Variants in PHTF2 observed in about 807,000 individuals in gnomAD.
The protein encoded by PHTF2 is protein PHTF2.
In PHTF2, 60 loss-of-function variants were observed where a neutral mutation model predicts 101.2. That is an observed-to-expected ratio of 0.59 (90% CI 0.48 to 0.73). The LOEUF (loss-of-function observed/expected upper bound fraction) is 0.73, where lower values mean the gene tolerates loss of function less well. PHTF2 is among the 30% of genes least tolerant of loss of function. PHTF2 has a pLI of 0.00. For synonymous variants in PHTF2, 311 were observed against 307.3 expected, an observed-to-expected ratio of 1.01 and a Z score of -0.13; for missense variants, 747 against 908.7, an observed-to-expected ratio of 0.82 and a Z score of 2.29.
chr7:77,891,328 T>G (rs1800383752), intron 3 of PHTF2, among the ~76,000 whole-genome samples: 1 of 152,222 alleles, frequency 6.6e-6, no homozygotes, highest in South Asian at 2.1e-4. Context: ...GTTCCCATAC[T>G]TACCTTTTCT....
intron 3 of PHTF2, among the ~76,000 whole-genome samples, chr7:77,863,867 G>C (rs998855179): frequency 4.7e-5 from 7 of 149,966 alleles, no homozygotes; most frequent in African/African-American, 1.7e-4. Context: ...GCTCACTGCA[G>C]CTTCAACATC....
At chr7:77,855,236 G>A (rs1281762370) in intron 3 of PHTF2, among the ~76,000 whole-genome samples, 1 of 152,202 alleles carries the variant, frequency 6.6e-6, no homozygotes, top group Non-Finnish European at 1.5e-5. Flanking sequence ...GTTCCCTTCT[G>A]TCCCAGGGTG....
At chr7:77,807,352 T>C (rs1793072873) in intron 1 of PHTF2, among the ~76,000 whole-genome samples, 1 of 151,568 alleles carries the variant, frequency 6.6e-6, no homozygotes, top group Non-Finnish European at 1.5e-5. Flanking sequence ...GTTCCACATC[T>C]TCATCAATAT....
At chr7:77,862,788 G>C (rs1354883989) in intron 3 of PHTF2, among the ~76,000 whole-genome samples, 1 of 152,132 alleles carries the variant, frequency 6.6e-6, no homozygotes, top group Non-Finnish European at 1.5e-5. Flanking sequence ...TTTAACCATA[G>C]CAACAGACAT....
exon 7 of PHTF2, chr7:77,901,887 T>C: frequency 6.3e-7 from 1 of 1,597,542 alleles, no homozygotes; most frequent in South Asian, 1.1e-5. Context: ...AAAGGTCATC[T>C]TTTTCTGGCT....
intron 9 of PHTF2, 88 bp downstream of exon 8, chr7:77,910,497 CT>C: frequency 3.4e-6 from 3 of 875,136 alleles, no homozygotes. Context: ...ATATTAATTA[CT>C]TTAAATGTGA....
At chr7:77,856,423 A>G (rs62462679) in intron 3 of PHTF2, among the ~76,000 whole-genome samples, 35,048 of 151,912 alleles carry the variant, frequency 0.23, 4,379 homozygotes, top group South Asian at 0.29. Context: ...TGGTGTGCTC[A>G]TATCTCACTG....
chr7:77,906,213 C>G (rs1341340186), intron 7 of PHTF2: 1 of 152,322 alleles, frequency 6.6e-6, no homozygotes, highest in Non-Finnish European at 1.5e-5. Context: ...GTCTCAAACT[C>G]CTGACCTCGT....
In PHTF2 at chr7:77,902,712, T is replaced by C. The variant is rs368568163; in HGVS notation, c.445+792T>C. 3.5e-4 allele frequency among the ~76,000 whole-genome samples: 53 copies of C among 152,088 alleles called. 1 individual carries two copies. In the South Asian group the frequency reaches 0.011, roughly 32 times the overall value. On this transcript the variant is annotated intron_variant, in intron 7 of 19. Transcript: ENST00000416283. ...TCATGTCCTTTCAGTCTTTTTAATATGTGATTAAAAAAAAAAACCATGATT... is the reference window on the plus strand; with the variant it reads ...TCATGTCCTTTCAGTCTTTTTAATACGTGATTAAAAAAAAAAACCATGATT...
chr7:77,935,197 T>C (rs1804994695), intron 12 of PHTF2, among the ~76,000 whole-genome samples: 1 of 143,944 alleles, frequency 6.9e-6, no homozygotes. Context: ...CACACAACAT[T>C]GAACATGTAA....
chr7:77,938,481 A>G (rs1192327576), intron 13 of PHTF2, among the ~76,000 whole-genome samples: 1 of 152,258 alleles, frequency 6.6e-6, no homozygotes, highest in African/African-American at 2.4e-5. Context: ...CTGTAATCCC[A>G]GCACTTTGGG....
intron 17 of PHTF2, among the ~76,000 whole-genome samples, chr7:77,950,106 T>C (rs1806411081): frequency 6.6e-6 from 1 of 152,208 alleles, no homozygotes; most frequent in South Asian, 2.1e-4. Flanking sequence ...GAATGGGACA[T>C]GTTTGCTTTG....
At chr7:77,813,784 T>A (rs574475449) in intron 1 of PHTF2, among the ~76,000 whole-genome samples, 1 of 152,318 alleles carries the variant, frequency 6.6e-6, no homozygotes, top group African/African-American at 2.4e-5. Flanking sequence ...GTTTCCTGAC[T>A]TACAGAAAAT....
intron 3 of PHTF2, among the ~76,000 whole-genome samples, chr7:77,856,681 A>C (rs571989593): frequency 1.3e-4 from 20 of 152,262 alleles, no homozygotes; most frequent in African/African-American, 4.6e-4. Flanking sequence ...GCATGTGCAG[A>C]CTTTTTTTTC....
chr7:77,880,099 G>A (rs1799281007), intron 3 of PHTF2, among the ~76,000 whole-genome samples: 1 of 152,068 alleles, frequency 6.6e-6, no homozygotes, highest in Admixed American at 6.6e-5. Context: ...AACAATATTA[G>A]CATCGTATTT....
intron 17 of PHTF2, among the ~76,000 whole-genome samples, chr7:77,950,640 G>A (rs544513129): frequency 6.6e-6 from 1 of 152,246 alleles, no homozygotes; most frequent in South Asian, 2.1e-4. Flanking sequence ...AGGCAACAGA[G>A]TGAGACTCCA....
intron 7 of PHTF2, among the ~76,000 whole-genome samples, chr7:77,907,040 A>G (rs1335783116): frequency 1.3e-5 from 2 of 151,956 alleles, no homozygotes; most frequent in East Asian, 1.9e-4. Context: ...CCTAAAACCT[A>G]TTATAGTGCC....
chr7:77,825,037 C>G (rs1794601731), intron 1 of PHTF2, among the ~76,000 whole-genome samples: 1 of 151,812 alleles, frequency 6.6e-6, no homozygotes, highest in Admixed American at 6.6e-5. Flanking sequence ...GCCTCTGTCT[C>G]TAAATAACAA....
intron 5 of PHTF2, among the ~76,000 whole-genome samples, chr7:77,896,425 A>G (rs1035083279): frequency 3.3e-5 from 5 of 152,216 alleles, no homozygotes; most frequent in Admixed American, 3.3e-4. Flanking sequence ...TAGCTGGGAC[A>G]TACCTGCAGT....
Sources: gnomAD v4.1 joint callset for allele counts (sites outside exome capture counted in the v4.1 genomes callset) on GRCh38, gnomAD v4.1.1 for gene constraint, MANE v1.5 for transcripts, NCBI Gene and HGNC (gene_info 2026-07-23, HGNC 2026-07-21) for gene names.